The following VDAC1 variants were observed in gnomAD, a reference collection of about 807,000 sequenced individuals.
The protein encoded by VDAC1 is non-selective voltage-gated ion channel VDAC1.
Under a neutral mutation model 34.7 loss-of-function variants are expected in VDAC1, and 10 were observed. That is an observed-to-expected ratio of 0.29 (90% CI 0.18 to 0.49). The LOEUF (loss-of-function observed/expected upper bound fraction) is 0.49, where lower values mean the gene tolerates loss of function less well. VDAC1 is among the 20% of genes least tolerant of loss of function. The probability of loss-of-function intolerance (pLI) is 0.99; values close to 1 mark genes in which losing one functional copy is unlikely to be tolerated. For missense variants in VDAC1, 230 were observed against 347.9 expected (o/e 0.66, Z 2.69); for synonymous variants, 130 against 136.0 (o/e 0.96, Z 0.30).
At chr5:134,007,215 G>GT (rs1211735965), upstream of VDAC1, among the ~76,000 whole-genome samples, 2 of 149,672 alleles carry the variant, frequency 1.3e-5, no homozygotes, top group African/African-American at 2.5e-5. Context: ...TCACACTCCA[G>GT]TCTGGGCAAC....
At chr5:134,018,521 A>G in the VDAC1 span, among the ~76,000 whole-genome samples, 2 of 152,216 alleles carry the variant, frequency 1.3e-5, no homozygotes, top group Non-Finnish European at 2.9e-5. Flanking sequence ...AATCTGCCAG[A>G]AACAATGGAC....
At chr5:134,063,129 T>C in the VDAC1 span, among the ~76,000 whole-genome samples, 1 of 152,372 alleles carries the variant, frequency 6.6e-6, no homozygotes, top group South Asian at 2.1e-4. Flanking sequence ...TCCCTATATC[T>C]GTCATCTAGT....
upstream of VDAC1, among the ~76,000 whole-genome samples, chr5:134,007,630 C>T (rs1753778098): frequency 6.6e-6 from 1 of 152,118 alleles, no homozygotes; most frequent in Non-Finnish European, 1.5e-5. Context: ...CAGATCCTCT[C>T]TTGCAAACCT....
chr5:134,099,182 A>G, the VDAC1 span, among the ~76,000 whole-genome samples: 1 of 152,076 alleles, frequency 6.6e-6, no homozygotes, highest in African/African-American at 2.4e-5. Context: ...TCGAGCACAG[A>G]CTCTTAAAAG....
the VDAC1 span, among the ~76,000 whole-genome samples, chr5:134,016,093 A>G: frequency 6.6e-6 from 1 of 152,188 alleles, no homozygotes; most frequent in Non-Finnish European, 1.5e-5. Flanking sequence ...CTGGCCTCCA[A>G]CTTTTAAAGG....
intron 1 of VDAC1, among the ~76,000 whole-genome samples, chr5:133,993,874 C>T (rs1753198052): frequency 6.6e-6 from 1 of 152,120 alleles, no homozygotes; most frequent in Non-Finnish European, 1.5e-5. Context: ...CTTTGGCATG[C>T]TGTATATGCT....
the VDAC1 span, among the ~76,000 whole-genome samples, chr5:134,033,808 C>A: frequency 6.6e-6 from 1 of 151,604 alleles, no homozygotes; most frequent in Non-Finnish European, 1.5e-5. Context: ...CTGGCTAACA[C>A]GGTGAAACCC....
chr5:134,095,725 T>C, the VDAC1 span, among the ~76,000 whole-genome samples: 2 of 152,116 alleles, frequency 1.3e-5, no homozygotes, highest in African/African-American at 4.8e-5. Context: ...CACTGCCCAG[T>C]TTAGCAGCTA....
intron 1 of VDAC1, among the ~76,000 whole-genome samples, chr5:134,002,057 ACCACACATGCGCCTCTT>A (rs1048126414): frequency 6.6e-6 from 1 of 152,254 alleles, no homozygotes; most frequent in Admixed American, 6.5e-5. Context: ...CTGGTCCTCA[ACCACACATGCGCCTCTT>A]CCAGTCACTA....
the VDAC1 span, among the ~76,000 whole-genome samples, chr5:134,109,517 C>A: frequency 6.6e-6 from 1 of 152,112 alleles, no homozygotes; most frequent in African/African-American, 2.4e-5. Context: ...CGCTTGTAAT[C>A]CCAGCACTTT....
chr5:134,041,721 C>T, the VDAC1 span, among the ~76,000 whole-genome samples: 1 of 152,210 alleles, frequency 6.6e-6, no homozygotes, highest in South Asian at 2.1e-4. Flanking sequence ...GGCCTCCTGC[C>T]TTCCACACAG....
At chr5:134,109,866 G>A in the VDAC1 span, among the ~76,000 whole-genome samples, 2 of 151,916 alleles carry the variant, frequency 1.3e-5, no homozygotes, top group African/African-American at 4.8e-5. Context: ...GACTTCACTC[G>A]GCAAGCCAGT....
chr5:133,975,580 C>A (rs950607597), intron 7 of VDAC1, among the ~76,000 whole-genome samples: 2 of 151,906 alleles, frequency 1.3e-5, no homozygotes, highest in African/African-American at 4.8e-5. Flanking sequence ...CCTGCCTCAG[C>A]CTCTCGAGTA....
chr5:134,056,241 CA>C, the VDAC1 span, among the ~76,000 whole-genome samples: 1,021 of 111,116 alleles, frequency 9.2e-3, 4 homozygotes, highest in African/African-American at 0.032. Context: ...AACTCCGTCT[CA>C]AAAAAAAAAA....
At chr5:134,101,336 T>C in the VDAC1 span, among the ~76,000 whole-genome samples, 1 of 151,806 alleles carries the variant, frequency 6.6e-6, no homozygotes, top group East Asian at 1.9e-4. Context: ...ACGCCTGTAA[T>C]CCCAGCACTT....
At chr5:134,012,086 G>A in the VDAC1 span, among the ~76,000 whole-genome samples, 2 of 152,090 alleles carry the variant, frequency 1.3e-5, no homozygotes, top group Non-Finnish European at 2.9e-5. Flanking sequence ...AAGAAAGAGA[G>A]AGATTGGAGA....
At chr5:134,019,695 G>T in the VDAC1 span, among the ~76,000 whole-genome samples, 138 of 152,182 alleles carry the variant, frequency 9.1e-4, no homozygotes, top group African/African-American at 3.2e-3. Context: ...CAACTCTAAG[G>T]TTGCACTATC....
chr5:134,107,675 C>T, the VDAC1 span, among the ~76,000 whole-genome samples: 2 of 152,228 alleles, frequency 1.3e-5, no homozygotes, highest in African/African-American at 2.4e-5. Flanking sequence ...ACAGATGCTA[C>T]GCACCATGAC....
At chr5:134,084,538 C>T in the VDAC1 span, among the ~76,000 whole-genome samples, 1 of 152,234 alleles carries the variant, frequency 6.6e-6, no homozygotes. Flanking sequence ...TGGGGCTGCC[C>T]ACAAGACAGT....
Sources: gnomAD v4.1 joint callset for allele counts (sites outside exome capture counted in the v4.1 genomes callset) on GRCh38, gnomAD v4.1.1 for gene constraint, MANE v1.5 for transcripts, NCBI Gene and HGNC (gene_info 2026-07-23, HGNC 2026-07-21) for gene names.